The following ITGB1 variants were observed in gnomAD, a reference collection of about 807,000 sequenced individuals.
The protein encoded by ITGB1 is integrin subunit beta 1, also known as integrin beta-1.
In ITGB1, 24 loss-of-function variants were observed where a neutral mutation model predicts 86.5. That is an observed-to-expected ratio of 0.28 (90% CI 0.20 to 0.39). The LOEUF is 0.39. Among genes scored for constraint, ITGB1 ranks in the 10% least tolerant of loss-of-function variants. The pLI is 1.00. For synonymous variants in ITGB1, 323 were observed against 316.8 expected (o/e 1.02, Z -0.21); for missense variants, 556 against 946.9 (o/e 0.59, Z 5.42).
chr10:32,953,842 A>C (rs2095047235), intron 1 of ITGB1: 2 of 152,248 alleles, frequency 1.3e-5, no homozygotes, highest in South Asian at 4.1e-4. Flanking sequence ...AAATGTGACC[A>C]ATGAAGTCTT....
intron 1 of ITGB1, among the ~76,000 whole-genome samples, chr10:32,940,322 C>A (rs1027380730): frequency 6.9e-6 from 1 of 145,668 alleles, no homozygotes; most frequent in Non-Finnish European, 1.5e-5. Context: ...TCCAGCCTGG[C>A]GACAGAGCTA....
chr10:32,908,950 C>T (rs1279270927), intron 14 of ITGB1, among the ~76,000 whole-genome samples: 5 of 152,130 alleles, frequency 3.3e-5, no homozygotes, highest in African/African-American at 7.2e-5. Flanking sequence ...ACCGTTAAGA[C>T]GTCAATTCTT....
chr10:32,918,217 A>G (rs1228664367), intron 11 of ITGB1, among the ~76,000 whole-genome samples: 1 of 152,134 alleles, frequency 6.6e-6, no homozygotes. Flanking sequence ...GGGGGCAGGG[A>G]TAGCATTAGG....
At chr10:32,936,513 A>AC (rs1373896002) in intron 1 of ITGB1, among the ~76,000 whole-genome samples, 1 of 151,176 alleles carries the variant, frequency 6.6e-6, no homozygotes, top group Non-Finnish European at 1.5e-5. Context: ...GAGTGTCCAG[A>AC]CCCCCCACCT....
chr10:32,939,585 G>A (rs1281387380), intron 1 of ITGB1, among the ~76,000 whole-genome samples: 1 of 152,228 alleles, frequency 6.6e-6, no homozygotes, highest in Non-Finnish European at 1.5e-5. Flanking sequence ...CAGTAAGCAT[G>A]TGTGTATCTA....
At chr10:32,946,469 T>C (rs1048783031) in intron 1 of ITGB1, among the ~76,000 whole-genome samples, 2 of 152,106 alleles carry the variant, frequency 1.3e-5, no homozygotes, top group Non-Finnish European at 2.9e-5. Context: ...ACTGGTTTCA[T>C]CTGAGCAGCC....
At chr10:32,952,847 C>A (rs939311739) in intron 1 of ITGB1, among the ~76,000 whole-genome samples, 1 of 152,138 alleles carries the variant, frequency 6.6e-6, no homozygotes, top group Non-Finnish European at 1.5e-5. Flanking sequence ...TAGTGCCCAG[C>A]AGAGTGAATG....
intron 1 of ITGB1, among the ~76,000 whole-genome samples, chr10:32,950,308 C>T (rs904046033): frequency 2.0e-5 from 3 of 152,014 alleles, no homozygotes; most frequent in Non-Finnish European, 4.4e-5. Flanking sequence ...GTAATAAAAA[C>T]GAGAAAAACA....
intron 1 of ITGB1, among the ~76,000 whole-genome samples, chr10:32,949,606 G>A (rs578180883): frequency 1.3e-5 from 2 of 152,210 alleles, no homozygotes; most frequent in South Asian, 4.1e-4. Flanking sequence ...TATCTAAGGG[G>A]TCATAATTCA....
intron 9 of ITGB1, among the ~76,000 whole-genome samples, chr10:32,921,128 G>A: frequency 7.9e-6 from 1 of 127,030 alleles, no homozygotes; most frequent in South Asian, 2.4e-4. Context: ...TGCAGTCTAG[G>A]AACAAATTTG....
At chr10:32,934,399 T>A (rs2094994165) in intron 2 of ITGB1, among the ~76,000 whole-genome samples, 1 of 152,192 alleles carries the variant, frequency 6.6e-6, no homozygotes, top group Non-Finnish European at 1.5e-5. Flanking sequence ...TATGTGTAGG[T>A]TATATGCAAA....
intron 3 of ITGB1, among the ~76,000 whole-genome samples, chr10:32,931,264 C>G (rs1047699825): frequency 1.3e-5 from 2 of 152,032 alleles, no homozygotes; most frequent in African/African-American, 4.8e-5. Flanking sequence ...TCATGACACC[C>G]AAATACAATT....
intron 1 of ITGB1, among the ~76,000 whole-genome samples, chr10:32,949,079 A>G (rs988924199): frequency 6.6e-6 from 1 of 152,162 alleles, no homozygotes; most frequent in African/African-American, 2.4e-5. Flanking sequence ...TTTGTAACAA[A>G]AAGTTATTTC....
Position 32,923,654 on chromosome 10 carries a change from A to G in ITGB1, c.873T>C (p.Gly291=), listed in dbSNP as rs1393609067. 4.3e-6 allele frequency: 7 copies of G among 1,613,792 alleles called. No homozygotes were observed. Among genetic ancestry groups the G allele is most frequent in the Non-Finnish European group, 5.9e-6 (7 of 1,179,884 alleles). The stretch of plus-strand genomic sequence containing the variant: ...GTCCATCATTTGGTAAAACAATGCC[A>G]CCAAGTTTCCCATCTCCAGCAAAGT... The part of the protein sequence containing the change: ...GFHFAGDGKL[G]GIVLPNDGQC... The change falls in exon 7 of 16, where the codon GGT becomes GGC. Residue 291 remains glycine, a synonymous_variant. Coordinates refer to ENST00000302278, the MANE Select transcript of ITGB1 (RefSeq NM_002211.4).
intron 4 of ITGB1, among the ~76,000 whole-genome samples, chr10:32,928,515 A>C (rs2094972750): frequency 2.0e-5 from 3 of 152,184 alleles, no homozygotes; most frequent in Non-Finnish European, 4.4e-5. Context: ...CAGTGGACAA[A>C]ACAGACAAAA....
At chr10:32,924,072 C>G (rs1420392773) in intron 6 of ITGB1, among the ~76,000 whole-genome samples, 1 of 152,186 alleles carries the variant, frequency 6.6e-6, no homozygotes, top group Non-Finnish European at 1.5e-5. Context: ...CACTGCTTGG[C>G]AAGCAGTAAG....
intron 11 of ITGB1, among the ~76,000 whole-genome samples, chr10:32,918,821 T>C (rs1197317856): frequency 6.6e-6 from 1 of 152,106 alleles, no homozygotes; most frequent in East Asian, 1.9e-4. Flanking sequence ...CAAAAAAGTG[T>C]ATGGAAGTTG....
At chr10:32,943,917 C>T (rs905117076) in intron 1 of ITGB1, among the ~76,000 whole-genome samples, 1 of 152,154 alleles carries the variant, frequency 6.6e-6, no homozygotes, top group African/African-American at 2.4e-5. Flanking sequence ...GAAAGTCTGT[C>T]CAGTGAAAGT....
chr10:32,915,776 T>C (rs1021595714), intron 11 of ITGB1, among the ~76,000 whole-genome samples: 2 of 152,060 alleles, frequency 1.3e-5, no homozygotes, highest in African/African-American at 2.4e-5. Context: ...ACTATTCCAA[T>C]CAATAGAAAA....
Sources: allele counts gnomAD v4.1 joint callset (sites outside exome capture counted in the v4.1 genomes callset), GRCh38; gene constraint gnomAD v4.1.1; transcripts MANE v1.5; gene names NCBI Gene and HGNC (gene_info 2026-07-23, HGNC 2026-07-21).